QTMAN: variants seen among roughly 807,000 people sequenced by gnomAD.
The protein encoded by QTMAN is queuosine-tRNA mannosyltransferase.
the QTMAN span, among the ~76,000 whole-genome samples, chr2:144,324,503 C>G: frequency 6.6e-6 from 1 of 152,122 alleles, no homozygotes; most frequent in South Asian, 2.1e-4. Flanking sequence ...ACTAACTCCC[C>G]GCAAAGGCTT....
the QTMAN span, among the ~76,000 whole-genome samples, chr2:144,180,801 G>A: frequency 6.6e-6 from 1 of 152,150 alleles, no homozygotes; most frequent in African/African-American, 2.4e-5. Context: ...CATGTATGAA[G>A]TGTTTGATCA....
chr2:144,290,289 T>C, the QTMAN span, among the ~76,000 whole-genome samples: 1 of 152,184 alleles, frequency 6.6e-6, no homozygotes, highest in Admixed American at 6.5e-5. Flanking sequence ...CTTTCTCTCA[T>C]ACCCCATATT....
At chr2:144,141,919 C>G in the QTMAN span, 5 of 1,611,548 alleles carry the variant, frequency 3.1e-6, no homozygotes, top group Non-Finnish European at 4.2e-6. Flanking sequence ...AAGTAAATAA[C>G]TTGGCACTTG....
At chr2:144,274,962 G>A in the QTMAN span, among the ~76,000 whole-genome samples, 1 of 152,148 alleles carries the variant, frequency 6.6e-6, no homozygotes, top group African/African-American at 2.4e-5. Context: ...CCAGGTGGAT[G>A]TTGTCAGAAT....
chr2:144,309,614 A>T, the QTMAN span, among the ~76,000 whole-genome samples: 1 of 152,222 alleles, frequency 6.6e-6, no homozygotes, highest in African/African-American at 2.4e-5. Context: ...GGGAGGAGTG[A>T]CTACAAACAG....
At chr2:144,103,780 G>C in the QTMAN span, among the ~76,000 whole-genome samples, 1 of 152,124 alleles carries the variant, frequency 6.6e-6, no homozygotes, top group Non-Finnish European at 1.5e-5. Context: ...TTAATATACA[G>C]TTAGGTCTTA....
chr2:144,144,438 G>C, the QTMAN span, among the ~76,000 whole-genome samples: 1 of 151,808 alleles, frequency 6.6e-6, no homozygotes, highest in African/African-American at 2.4e-5. Flanking sequence ...CTGAGGAAAA[G>C]AATGATGCTA....
At chr2:144,189,842 G>T in the QTMAN span, among the ~76,000 whole-genome samples, 1 of 151,972 alleles carries the variant, frequency 6.6e-6, no homozygotes, top group Non-Finnish European at 1.5e-5. Flanking sequence ...TGCTGGTCAT[G>T]AACTCCTGAC....
chr2:144,032,177 G>A, the QTMAN span, among the ~76,000 whole-genome samples: 1 of 152,120 alleles, frequency 6.6e-6, no homozygotes, highest in African/African-American at 2.4e-5. Flanking sequence ...TGACAGTTCT[G>A]GGTTCAAATC....
chr2:144,135,691 T>C, the QTMAN span, among the ~76,000 whole-genome samples: 33 of 152,300 alleles, frequency 2.2e-4, no homozygotes, highest in South Asian at 4.1e-3. Flanking sequence ...AATCATTTGT[T>C]CTTTACTGGT....
chr2:144,081,191 T>C, the QTMAN span, among the ~76,000 whole-genome samples: 2 of 152,180 alleles, frequency 1.3e-5, no homozygotes, highest in African/African-American at 2.4e-5. Flanking sequence ...ATTTCTTCCA[T>C]CTTTCAGGTG....
At chr2:144,308,472 G>A in the QTMAN span, among the ~76,000 whole-genome samples, 1 of 151,866 alleles carries the variant, frequency 6.6e-6, no homozygotes, top group Non-Finnish European at 1.5e-5. Flanking sequence ...GCCATGATTA[G>A]TTGATTTTTA....
the QTMAN span, among the ~76,000 whole-genome samples, chr2:143,950,225 A>G: frequency 2.0e-5 from 3 of 151,820 alleles, no homozygotes; most frequent in Non-Finnish European, 4.4e-5. Flanking sequence ...AACATGTAAC[A>G]GCTCAATGAA....
chr2:144,004,261 C>G, the QTMAN span, among the ~76,000 whole-genome samples: 2 of 152,004 alleles, frequency 1.3e-5, no homozygotes, highest in South Asian at 4.2e-4. Flanking sequence ...GGGGGTTGAA[C>G]AAGAAACACA....
At chr2:144,007,592 T>C in the QTMAN span, 3 of 1,102,944 alleles carry the variant, frequency 2.7e-6, no homozygotes, top group Non-Finnish European at 3.8e-6. Context: ...GTAAAATTTG[T>C]CCTTTACCTT....
the QTMAN span, among the ~76,000 whole-genome samples, chr2:144,087,034 A>G: frequency 6.6e-6 from 1 of 152,210 alleles, no homozygotes; most frequent in Non-Finnish European, 1.5e-5. Flanking sequence ...CAGTAACCTT[A>G]TAACATAAAA....
the QTMAN span, among the ~76,000 whole-genome samples, chr2:144,022,777 T>C: frequency 4.7e-4 from 71 of 152,140 alleles, no homozygotes; most frequent in African/African-American, 1.6e-3. Flanking sequence ...TTGGCCACGA[T>C]GGTCTTGATC....
At chr2:144,154,889 G>C in the QTMAN span, among the ~76,000 whole-genome samples, 1 of 152,154 alleles carries the variant, frequency 6.6e-6, no homozygotes, top group Non-Finnish European at 1.5e-5. Context: ...CTAGCCACGT[G>C]CTTAACAAAT....
the QTMAN span, among the ~76,000 whole-genome samples, chr2:144,029,104 GAAC>G: frequency 1.3e-5 from 2 of 152,166 alleles, no homozygotes; most frequent in African/African-American, 4.8e-5. Flanking sequence ...TATCAAATGA[GAAC>G]AACTTCCTAA....
Sources: gnomAD v4.1 joint callset for allele counts (sites outside exome capture counted in the v4.1 genomes callset) on GRCh38, gnomAD v4.1.1 for gene constraint, MANE v1.5 for transcripts, NCBI Gene and HGNC (gene_info 2026-07-23, HGNC 2026-07-21) for gene names.